The following PPP2R5A variants were observed in gnomAD, a reference collection of about 807,000 sequenced individuals.
PPP2R5A encodes protein phosphatase 2 regulatory subunit B'alpha.
PPP2R5A carries 25 observed loss-of-function variants against 64.2 expected under a neutral mutation model. That is an observed-to-expected ratio of 0.39 (90% CI 0.28 to 0.54). The LOEUF is 0.54. PPP2R5A is among the 20% of genes least tolerant of loss of function. The pLI is 0.67. For missense variants in PPP2R5A, 425 were observed against 576.3 expected, an observed-to-expected ratio of 0.74 and a Z score of 2.69; for synonymous variants, 198 against 201.2, an observed-to-expected ratio of 0.98 and a Z score of 0.13.
At chr1:212,337,315 C>G (rs1425166891) in intron 3 of PPP2R5A, among the ~76,000 whole-genome samples, 1 of 152,104 alleles carries the variant, frequency 6.6e-6, no homozygotes, top group East Asian at 1.9e-4. Flanking sequence ...GGAATACAGG[C>G]AGATTGTGTA....
intron 4 of PPP2R5A, among the ~76,000 whole-genome samples, chr1:212,345,158 G>A (rs372656989): frequency 3.9e-5 from 3 of 76,314 alleles, no homozygotes; most frequent in Non-Finnish European, 5.2e-5. Context: ...GAGCAAGACT[G>A]TCTTAAAAAA....
chr1:212,349,554 T>C (rs928794637), intron 8 of PPP2R5A, among the ~76,000 whole-genome samples: 2 of 152,168 alleles, frequency 1.3e-5, no homozygotes, highest in African/African-American at 4.8e-5. Flanking sequence ...CTTTTAAATC[T>C]TCATTCACCT....
intron 1 of PPP2R5A, among the ~76,000 whole-genome samples, 200 bp from the exon 2 acceptor site, chr1:212,328,935 T>A (rs1659453059): frequency 6.6e-6 from 1 of 152,082 alleles, no homozygotes; most frequent in Non-Finnish European, 1.5e-5. Context: ...AAAATTTTTT[T>A]AATGATTGAT....
intron 1 of PPP2R5A, among the ~76,000 whole-genome samples, chr1:212,296,672 T>G (rs1183022055): frequency 6.6e-6 from 1 of 152,218 alleles, no homozygotes; most frequent in Non-Finnish European, 1.5e-5. Context: ...TATAAGTGCT[T>G]TGAGACCCAA....
intron 1 of PPP2R5A, chr1:212,313,916 A>G (rs1486586390): frequency 1.3e-5 from 2 of 152,188 alleles, no homozygotes; most frequent in African/African-American, 4.8e-5. Flanking sequence ...TAATGGTTCC[A>G]CCAAAATACC....
chr1:212,290,979 TTTAGATTTTTGTGTTTCATTTTTAAAAG>T (rs764327619), intron 1 of PPP2R5A, among the ~76,000 whole-genome samples: 1 of 152,242 alleles, frequency 6.6e-6, no homozygotes, highest in Non-Finnish European at 1.5e-5. Flanking sequence ...AAATAACACA[TTTAGATTTTTGTGTTTCATTTTTAAAAG>T]TTAGATTTTT....
In PPP2R5A at chr1:212,352,454, G is replaced by GT. The variant is rs34512493; in HGVS notation, c.927+3225dup. Among the ~76,000 whole-genome samples the GT allele has an allele frequency of 3.2e-3, 456 of 142,296 alleles. 3 individuals are homozygous for GT. The highest frequency in any genetic ancestry group is 3.6e-3 in the Middle Eastern group (1 of 280). 93.4% of individuals were successfully genotyped at this position (142,296 alleles called of 152,430 possible). ...TTGGGTTTGTTTGTTTGTGTTTTGG[G>GT]TTTTTTTTTTTTTCAGACAGGATCT... On this transcript the variant is annotated intron_variant, in intron 8 of 12. Coordinates refer to ENST00000261461, the MANE Select transcript of PPP2R5A (RefSeq NM_006243.4).
chr1:212,347,048 T>C (rs1659792698), intron 5 of PPP2R5A, among the ~76,000 whole-genome samples: 1 of 152,216 alleles, frequency 6.6e-6, no homozygotes, highest in South Asian at 2.1e-4. Context: ...AAAGTATTTC[T>C]TTGAGGAAAC....
rs747628947 is a variant in PPP2R5A, at chr1:212,286,323, G to A, written c.181+32G>A. On this transcript the variant is annotated intron_variant, in intron 1 of 12. Transcript: ENST00000261461. ...TCCGAGGGCGCAGCCCCAGCAGCGA[G>A]CGCAGGGGCTGGCAACGCTTGCCTC... The A allele has an allele frequency of 8.3e-6, 12 of 1,450,432 alleles. No individual in the cohort carries two copies. In the Middle Eastern group the frequency reaches 5.5e-4, roughly 67 times the overall value. 89.8% of individuals were successfully genotyped at this position (1,450,432 alleles called of 1,614,324 possible).
intron 11 of PPP2R5A, chr1:212,358,442 T>C (rs556814927): frequency 7.7e-6 from 2 of 258,594 alleles, no homozygotes; most frequent in East Asian, 1.4e-4. Flanking sequence ...ATAGTGAACA[T>C]TTTTAACTAG....
intron 2 of PPP2R5A, among the ~76,000 whole-genome samples, chr1:212,330,035 G>A (rs960719677): frequency 6.6e-6 from 1 of 152,232 alleles, no homozygotes; most frequent in Middle Eastern, 3.4e-3. Flanking sequence ...CAGGTATAAC[G>A]CTTTAATTGA....
rs869112186 is a variant in PPP2R5A, at chr1:212,297,096, CTTTTTTTTTTTTTTTTTTTTTTTT to C, written c.181+10824_181+10847del. 4.0e-4 allele frequency among the ~76,000 whole-genome samples: 33 copies of C among 82,668 alleles called. 1 individual carries two copies. The highest frequency in any genetic ancestry group is 1.5e-3 in the South Asian group (3 of 2,024). The allele number at this position is 82,668 out of a possible 152,430, so 54.2% of individuals were successfully genotyped here. On this transcript the variant is annotated intron_variant, in intron 1 of 12. Coordinates refer to ENST00000261461, the MANE Select transcript of PPP2R5A (RefSeq NM_006243.4). ...TTTCTTTTCTTTTTCTTTGCTTCTT[CTTTTTTTTTTTTTTTTTTTTTTTT>C]TTTTTTTTTTTTTTTTTTGGAGACG... is the stretch of plus-strand genomic sequence containing the variant.
At chr1:212,312,905 G>T (rs577281942) in intron 1 of PPP2R5A, among the ~76,000 whole-genome samples, 1 of 152,250 alleles carries the variant, frequency 6.6e-6, no homozygotes, top group East Asian at 1.9e-4. Context: ...TGCCAGGAAT[G>T]CAAGGCTGGT....
At chr1:212,354,067 C>T (rs1278132403) in intron 8 of PPP2R5A, among the ~76,000 whole-genome samples, 1 of 152,060 alleles carries the variant, frequency 6.6e-6, no homozygotes, top group South Asian at 2.1e-4. Context: ...GCCTGTAGTC[C>T]CAGCTACTCA....
In PPP2R5A at chr1:212,316,682, G is replaced by C. The variant is rs116179065; in HGVS notation, c.182-12453G>C. On this transcript the variant is annotated intron_variant, in intron 1 of 12. Coordinates refer to ENST00000261461, the MANE Select transcript of PPP2R5A (RefSeq NM_006243.4). ...CAGTAATGTGCTAAATTATCCCTTT[G>C]GGATCATGTATTTCTCTGTATTTGG... Among the ~76,000 whole-genome samples, 665 of 137,148 alleles carry C rather than the reference G, an allele frequency of 4.8e-3. 5 individuals are homozygous for C. Among genetic ancestry groups the C allele is most frequent in the African/African-American group, 0.017 (628 of 37,934 alleles). The allele number at this position is 137,148 out of a possible 152,430, so 90.0% of individuals were successfully genotyped here. A position where few individuals can be genotyped will look rare whatever the true frequency, so the allele number is the denominator to read the frequency against.
chr1:212,343,169 T>C (rs778207752), intron 4 of PPP2R5A, among the ~76,000 whole-genome samples: 4 of 152,000 alleles, frequency 2.6e-5, no homozygotes, highest in Non-Finnish European at 5.9e-5. Context: ...GCCAGGCTGG[T>C]CTTGAACTCC....
At chr1:212,319,511 C>T (rs1349835918) in intron 1 of PPP2R5A, 2 of 152,018 alleles carry the variant, frequency 1.3e-5, no homozygotes, top group African/African-American at 4.8e-5. Context: ...ACTTCATTTG[C>T]AAGAATTCTT....
rs1274912062 is a variant in PPP2R5A at position 212,356,836 on chromosome 1, A to G, written c.979-114A>G. 6 of 1,277,464 alleles carry G rather than the reference A, an allele frequency of 4.7e-6. No individual in the cohort carries two copies. In the East Asian group the frequency reaches 1.3e-4, roughly 27 times the overall value. The allele number at this position is 1,277,464 out of a possible 1,614,324, so 79.1% of individuals were successfully genotyped here. On this transcript the variant is annotated intron_variant, in intron 9 of 12. Coordinates refer to ENST00000261461, the MANE Select transcript of PPP2R5A (RefSeq NM_006243.4). ...TGTGCTATAGTAAACTCTGCCATCCAGACATTTTTTTGCTTATTGTATACT... is the reference window on the plus strand; with the variant it reads ...TGTGCTATAGTAAACTCTGCCATCCGGACATTTTTTTGCTTATTGTATACT...
At chr1:212,308,982 A>G (rs1040314092) in intron 1 of PPP2R5A, 2 of 646,734 alleles carry the variant, frequency 3.1e-6, no homozygotes, top group South Asian at 1.8e-5. Flanking sequence ...TAACATTGTC[A>G]TCATACCTTT....
Sources: gnomAD v4.1 joint callset for allele counts (sites outside exome capture counted in the v4.1 genomes callset) on GRCh38, gnomAD v4.1.1 for gene constraint, MANE v1.5 for transcripts, NCBI Gene and HGNC (gene_info 2026-07-23, HGNC 2026-07-21) for gene names.